The following PDE10A variants were observed in gnomAD, a reference collection of about 807,000 sequenced individuals.
PDE10A encodes the protein phosphodiesterase 10A.
Under a neutral mutation model 97.7 loss-of-function variants are expected in PDE10A, and 39 were observed. That is an observed-to-expected ratio of 0.40 (90% CI 0.31 to 0.52). The LOEUF (loss-of-function observed/expected upper bound fraction) is 0.52, where lower values mean the gene tolerates loss of function less well. Among genes scored for constraint, PDE10A ranks in the 20% least tolerant of loss-of-function variants. The pLI, the probability that PDE10A is intolerant of heterozygous loss-of-function variation, is 0.56. For missense variants in PDE10A, 731 were observed against 1,047.8 expected, an observed-to-expected ratio of 0.70 and a Z score of 4.17; for synonymous variants, 371 against 376.8, an observed-to-expected ratio of 0.98 and a Z score of 0.18.
chr6:165,949,241 T>C (rs1189087040), intron 1 of PDE10A: 1 of 152,240 alleles, frequency 6.6e-6, no homozygotes, highest in African/African-American at 2.4e-5. Flanking sequence ...AGATGAGTTA[T>C]CTTTTAAACC....
chr6:165,592,282 C>T (rs926474301), intron 1 of PDE10A, among the ~76,000 whole-genome samples: 1 of 152,030 alleles, frequency 6.6e-6, no homozygotes, highest in Non-Finnish European at 1.5e-5. Flanking sequence ...TTTCCTTATA[C>T]TTTATACAAA....
At chr6:165,340,481 T>A (rs1294974673) in intron 19 of PDE10A, among the ~76,000 whole-genome samples, 1 of 152,224 alleles carries the variant, frequency 6.6e-6, no homozygotes, top group Non-Finnish European at 1.5e-5. Context: ...GTTCCATTGT[T>A]ACCACTTTAA....
chr6:165,712,193 G>A (rs1791911565), intron 1 of PDE10A, among the ~76,000 whole-genome samples: 1 of 152,204 alleles, frequency 6.6e-6, no homozygotes, highest in Non-Finnish European at 1.5e-5. Flanking sequence ...TGTGCCTGGA[G>A]GGGTGTGACA....
intron 1 of PDE10A, among the ~76,000 whole-genome samples, chr6:165,921,485 G>A (rs980157185): frequency 6.6e-6 from 1 of 152,216 alleles, no homozygotes; most frequent in East Asian, 1.9e-4. Context: ...ATCATTTGAT[G>A]TGTTAGAAGA....
chr6:165,851,611 G>T (rs1164246915), intron 1 of PDE10A, among the ~76,000 whole-genome samples: 1 of 152,166 alleles, frequency 6.6e-6, no homozygotes, highest in East Asian at 1.9e-4. Context: ...TACTTTGGGT[G>T]TTCAGGAAGG....
chr6:165,749,208 T>C (rs62424944), intron 1 of PDE10A, among the ~76,000 whole-genome samples: 1 of 43,084 alleles, frequency 2.3e-5, no homozygotes, highest in Non-Finnish European at 5.9e-5. Flanking sequence ...ATCACCATCA[T>C]CACCATCACC....
At chr6:165,336,480 T>G (rs1781656126) in intron 20 of PDE10A, among the ~76,000 whole-genome samples, 1 of 152,192 alleles carries the variant, frequency 6.6e-6, no homozygotes, top group Non-Finnish European at 1.5e-5. Context: ...CCGGGCGCGG[T>G]GGCTCACGCC....
intron 1 of PDE10A, among the ~76,000 whole-genome samples, chr6:165,879,495 A>T (rs1343650446): frequency 6.6e-6 from 1 of 152,150 alleles, no homozygotes; most frequent in Non-Finnish European, 1.5e-5. Context: ...GTTGGATTAG[A>T]CCCACCCCAA....
chr6:165,460,769 T>C (rs1476464343), intron 3 of PDE10A, among the ~76,000 whole-genome samples: 1 of 152,098 alleles, frequency 6.6e-6, no homozygotes, highest in Non-Finnish European at 1.5e-5. Context: ...ATTACAACAA[T>C]GGGGAGCACA....
At chr6:165,799,162 G>T (rs911299518) in intron 1 of PDE10A, among the ~76,000 whole-genome samples, 2 of 152,206 alleles carry the variant, frequency 1.3e-5, no homozygotes, top group African/African-American at 4.8e-5. Flanking sequence ...GGATTCCCAT[G>T]GTGGCCAGCA....
At chr6:165,469,663 A>T (rs1778870654) in intron 3 of PDE10A, among the ~76,000 whole-genome samples, 1 of 152,026 alleles carries the variant, frequency 6.6e-6, no homozygotes, top group Non-Finnish European at 1.5e-5. Flanking sequence ...TATCATCAAG[A>T]ATGAGTGGTT....
At chr6:165,667,836 T>C (rs770243787), upstream of PDE10A, among the ~76,000 whole-genome samples, 2 of 152,222 alleles carry the variant, frequency 1.3e-5, no homozygotes, top group Non-Finnish European at 2.9e-5. Context: ...TAATCAATAC[T>C]AAGTTCTTAG....
chr6:165,660,046 C>T (rs1344356639), intron 1 of PDE10A: 1 of 152,256 alleles, frequency 6.6e-6, no homozygotes, highest in Non-Finnish European at 1.5e-5. Context: ...TCTTCAACCC[C>T]TTCCCCAAAT....
At chr6:165,968,207 G>A (rs1784567354) in intron 1 of PDE10A, among the ~76,000 whole-genome samples, 1 of 152,200 alleles carries the variant, frequency 6.6e-6, no homozygotes, top group African/African-American at 2.4e-5. Context: ...GACTCATCAA[G>A]AGGCATGATA....
intron 17 of PDE10A, among the ~76,000 whole-genome samples, chr6:165,383,077 G>A (rs549502388): frequency 3.5e-4 from 54 of 152,150 alleles, no homozygotes; most frequent in South Asian, 8.3e-4. Flanking sequence ...AAGAAGTCAC[G>A]GGATCCCAAA....
At chr6:165,592,700 G>A (rs956577645) in intron 1 of PDE10A, among the ~76,000 whole-genome samples, 5 of 151,978 alleles carry the variant, frequency 3.3e-5, no homozygotes, top group Non-Finnish European at 5.9e-5. Flanking sequence ...TGAAAAAAAA[G>A]CCCAGCATCA....
chr6:165,774,831 C>CTTTTTTTTTTTTTTTTTTTG (rs5881660), intron 1 of PDE10A: 1 of 107,884 alleles, frequency 9.3e-6, no homozygotes, highest in East Asian at 2.5e-4. Context: ...ACTTTTTTTT[C>CTTTTTTTTTTTTTTTTTTTG]TTTTTTTTTT....
In PDE10A at chr6:165,725,027, C is replaced by T. The variant is rs144466200; in HGVS notation, c.-614-181459G>A. 2.1e-3 allele frequency among the ~76,000 whole-genome samples: 319 copies of T among 152,288 alleles called. 1 individual carries two copies. Among genetic ancestry groups the T allele is most frequent in the African/African-American group, 7.2e-3 (301 of 41,558 alleles). ...AGAACAGGCATTTCTGTTTTCAGAACGATGTGGACGCCGAGGGAAATTTGG... is the reference window on the plus strand; with the variant it reads ...AGAACAGGCATTTCTGTTTTCAGAATGATGTGGACGCCGAGGGAAATTTGG... On this transcript the variant is annotated intron_variant, in intron 1 of 19. Coordinates refer to the PDE10A transcript ENST00000366882.
intron 1 of PDE10A, among the ~76,000 whole-genome samples, chr6:165,956,625 G>A (rs1298409809): frequency 6.6e-6 from 1 of 152,160 alleles, no homozygotes; most frequent in Non-Finnish European, 1.5e-5. Flanking sequence ...GGTCTTTTAA[G>A]TTAAACCTGT....
Sources: allele counts gnomAD v4.1 joint callset (sites outside exome capture counted in the v4.1 genomes callset), GRCh38; gene constraint gnomAD v4.1.1; transcripts MANE v1.5; gene names NCBI Gene and HGNC (gene_info 2026-07-23, HGNC 2026-07-21).